Variants in MGAT5 observed in about 807,000 individuals in gnomAD.
MGAT5 encodes alpha-1,6-mannosylglycoprotein 6-beta-N-acetylglucosaminyltransferase A.
MGAT5 carries 30 observed loss-of-function variants against 94.3 expected under a neutral mutation model. The ratio of observed to expected loss-of-function variants is 0.32; its 90% CI spans 0.24 to 0.43. The LOEUF (loss-of-function observed/expected upper bound fraction) is 0.43. Among genes scored for constraint, MGAT5 ranks in the 20% least tolerant of loss-of-function variants. The pLI is 1.00. For missense variants in MGAT5, 691 were observed against 905.5 expected, an observed-to-expected ratio of 0.76 and a Z score of 3.04; for synonymous variants, 310 against 322.9, an observed-to-expected ratio of 0.96 and a Z score of 0.43.
At chr2:134,256,069 A>G (rs1682945302) in intron 1 of MGAT5, among the ~76,000 whole-genome samples, 1 of 152,230 alleles carries the variant, frequency 6.6e-6, no homozygotes, top group African/African-American at 2.4e-5. Context: ...CACACTCTGC[A>G]TTTAATCTGT....
intron 2 of MGAT5, among the ~76,000 whole-genome samples, chr2:134,300,952 T>TA (rs1456729498): frequency 1.3e-5 from 2 of 152,252 alleles, no homozygotes; most frequent in African/African-American, 4.8e-5. Flanking sequence ...TATATATCTA[T>TA]AAAATCACCA....
At chr2:134,245,491 T>TG (rs1682202909) in intron 1 of MGAT5, among the ~76,000 whole-genome samples, 2 of 152,214 alleles carry the variant, frequency 1.3e-5, no homozygotes, top group African/African-American at 4.8e-5. Context: ...CTGCCAGTAA[T>TG]GTGCACATCC....
intron 4 of MGAT5, among the ~76,000 whole-genome samples, chr2:134,334,877 C>T (rs1688242417): frequency 6.6e-6 from 1 of 152,104 alleles, no homozygotes; most frequent in South Asian, 2.1e-4. Context: ...ACCATTTTAG[C>T]TTTCCTTGTG....
chr2:134,336,459 C>A (rs1239136027), intron 5 of MGAT5, among the ~76,000 whole-genome samples, 171 bp downstream of exon 5: 2 of 152,064 alleles, frequency 1.3e-5, no homozygotes, highest in East Asian at 3.9e-4. Flanking sequence ...CAACCATTAG[C>A]ATAGGTTTGT....
rs139866358 is a variant in MGAT5, at chr2:134,408,585, G to A, written c.1531-4284G>A. Reference sequence around the variant, plus strand: ...GGTGAGTCTTCTTTTCTTGGCCTCCGTGGACCTTCCAGCTCTTCCCTAGAG... The same window carrying A: ...GGTGAGTCTTCTTTTCTTGGCCTCCATGGACCTTCCAGCTCTTCCCTAGAG... On this transcript the variant is annotated intron_variant, in intron 11 of 15. Transcript: ENST00000281923. 4.7e-3 allele frequency among the ~76,000 whole-genome samples: 715 copies of A among 152,248 alleles called. 2 individuals are homozygous for A. The highest frequency in any genetic ancestry group is 0.017 in the Middle Eastern group (5 of 294).
chr2:134,336,185 G>A (rs759198196), intron 4 of MGAT5, 32 bp from the exon 5 acceptor site: 2 of 1,565,154 alleles, frequency 1.3e-6, no homozygotes, highest in Admixed American at 3.4e-5. Flanking sequence ...TATAGATGAA[G>A]CTGCATATTT....
intron 1 of MGAT5, among the ~76,000 whole-genome samples, chr2:134,203,245 G>T (rs1394247943): frequency 1.3e-5 from 2 of 152,128 alleles, no homozygotes; most frequent in East Asian, 3.8e-4. Flanking sequence ...GTGCACAGAA[G>T]GTCAGAAACC....
chr2:134,232,218 T>G (rs1354127471), intron 1 of MGAT5, among the ~76,000 whole-genome samples: 3 of 152,186 alleles, frequency 2.0e-5, no homozygotes, highest in Non-Finnish European at 4.4e-5. Flanking sequence ...TGTTCAGGCC[T>G]TTATTGGACT....
chr2:134,451,985 T>TC lies in MGAT5; in HGVS notation c.*3139dup, dbSNP rs1686134349. 2 of 152,244 alleles carry TC rather than the reference T, an allele frequency of 1.3e-5. No homozygotes were observed. Among genetic ancestry groups the TC allele is most frequent in the African/African-American group, 2.4e-5 (1 of 41,456 alleles). 9.4% of individuals were successfully genotyped at this position (152,244 alleles called of 1,614,324 possible). On this transcript the variant is annotated 3_prime_UTR_variant, in exon 16 of 16. Coordinates refer to ENST00000281923, the MANE Select transcript of MGAT5 (RefSeq NM_002410.5). Reference sequence around the variant, plus strand: ...GTGCGTTTGGAGATATTAGTCAGTTTCTTTAGTGATATTTGTTTCCTTGAT... The same window carrying TC: ...GTGCGTTTGGAGATATTAGTCAGTTTCCTTTAGTGATATTTGTTTCCTTGAT...
chr2:134,273,514 T>G (rs776428252), intron 2 of MGAT5, among the ~76,000 whole-genome samples: 6 of 152,232 alleles, frequency 3.9e-5, no homozygotes, highest in Non-Finnish European at 7.3e-5. Context: ...TTGTTGTGTC[T>G]TATTGCTTGC....
At chr2:134,427,316 C>T (rs956066475) in intron 13 of MGAT5, among the ~76,000 whole-genome samples, 1 of 152,108 alleles carries the variant, frequency 6.6e-6, no homozygotes, top group African/African-American at 2.4e-5. Context: ...TGGTGATTTT[C>T]TCTCAAATGA....
At chr2:134,385,576 A>AT (rs1436251961) in intron 10 of MGAT5, among the ~76,000 whole-genome samples, 2 of 152,288 alleles carry the variant, frequency 1.3e-5, no homozygotes, top group East Asian at 3.9e-4. Flanking sequence ...GATTGAGTAG[A>AT]CCTGGGGTGT....
chr2:134,180,892 G>C (rs989741661), intron 1 of MGAT5, among the ~76,000 whole-genome samples: 2 of 152,138 alleles, frequency 1.3e-5, no homozygotes, highest in Admixed American at 6.5e-5. Flanking sequence ...TTCTTTTCAA[G>C]GGGCACATTT....
chr2:134,322,288 C>G (rs141191987), intron 4 of MGAT5, among the ~76,000 whole-genome samples: 212 of 152,258 alleles, frequency 1.4e-3, no homozygotes, highest in Middle Eastern at 6.8e-3. Flanking sequence ...ATTTCTGGTT[C>G]TCATTTACCA....
At chr2:134,178,990 T>C (rs749752761) in intron 1 of MGAT5, among the ~76,000 whole-genome samples, 1 of 152,212 alleles carries the variant, frequency 6.6e-6, no homozygotes, top group Non-Finnish European at 1.5e-5. Context: ...TTAATACTTA[T>C]TTGTAACCCT....
chr2:134,254,750 C>A, intron 1 of MGAT5, 106 bp downstream of exon 1: 1 of 1,454,772 alleles, frequency 6.9e-7, no homozygotes, highest in Non-Finnish European at 9.3e-7. Context: ...TCCTTTGCCA[C>A]TGCCTTCATA....
At chr2:134,354,649 G>A (rs1291851261) in intron 9 of MGAT5, among the ~76,000 whole-genome samples, 1 of 152,070 alleles carries the variant, frequency 6.6e-6, no homozygotes, top group East Asian at 1.9e-4. Flanking sequence ...TGGCACCATC[G>A]TCGTCAGGTG....
chr2:134,259,353 T>C (rs902342004), intron 1 of MGAT5, among the ~76,000 whole-genome samples: 2 of 152,202 alleles, frequency 1.3e-5, no homozygotes, highest in African/African-American at 4.8e-5. Flanking sequence ...CTGAGGTGAA[T>C]TGATCTCTGT....
At chr2:134,218,661 C>T (rs1680611555) in intron 1 of MGAT5, among the ~76,000 whole-genome samples, 1 of 152,068 alleles carries the variant, frequency 6.6e-6, no homozygotes, top group African/African-American at 2.4e-5. Flanking sequence ...TTTGGAGGCC[C>T]AGGTTGGGAC....
Sources: gnomAD v4.1 joint callset for allele counts (sites outside exome capture counted in the v4.1 genomes callset) on GRCh38, gnomAD v4.1.1 for gene constraint, MANE v1.5 for transcripts, NCBI Gene and HGNC (gene_info 2026-07-23, HGNC 2026-07-21) for gene names.